Variants in GRM5 observed in about 807,000 individuals in gnomAD.
The protein encoded by GRM5 is glutamate metabotropic receptor 5, also known as metabotropic glutamate receptor 5.
A neutral mutation model predicts 83.1 loss-of-function variants in GRM5; 19 were observed. That is an observed-to-expected ratio of 0.23 (90% CI 0.16 to 0.34). The LOEUF (loss-of-function observed/expected upper bound fraction) is 0.34. GRM5 is among the 10% of genes least tolerant of loss of function. The probability of loss-of-function intolerance (pLI) is 1.00; values close to 1 mark genes in which losing one functional copy is unlikely to be tolerated. For synonymous variants in GRM5, 675 were observed against 633.6 expected (o/e 1.07, Z -0.98); for missense variants, 1,160 against 1,588.3 (o/e 0.73, Z 4.58).
chr11:88,809,087 T>G (rs1439108105), intron 3 of GRM5, among the ~76,000 whole-genome samples: 1 of 152,044 alleles, frequency 6.6e-6, no homozygotes, highest in Non-Finnish European at 1.5e-5. Flanking sequence ...TTTTATTTCT[T>G]TTTTAATTCA....
At chr11:88,652,464 T>C (rs1235214761) in intron 4 of GRM5, among the ~76,000 whole-genome samples, 5 of 152,028 alleles carry the variant, frequency 3.3e-5, no homozygotes, top group Admixed American at 3.3e-4. Context: ...AAACACTTAG[T>C]TATCATATCA....
At chr11:88,778,668 A>G (rs1351204601) in intron 3 of GRM5, among the ~76,000 whole-genome samples, 4 of 152,176 alleles carry the variant, frequency 2.6e-5, no homozygotes, top group Non-Finnish European at 5.9e-5. Flanking sequence ...CTCTCACACT[A>G]TAGTTTTATT....
chr11:88,532,113 C>A (rs543967584), intron 8 of GRM5, among the ~76,000 whole-genome samples: 1 of 152,100 alleles, frequency 6.6e-6, no homozygotes, highest in Admixed American at 6.5e-5. Context: ...GCATATTTCA[C>A]ATATGTCTTA....
intron 3 of GRM5, among the ~76,000 whole-genome samples, chr11:88,789,445 T>A (rs188975483): frequency 1.6e-4 from 24 of 152,296 alleles, no homozygotes; most frequent in Admixed American, 1.3e-4. Context: ...TATCTGTAAG[T>A]TAATGTACCT....
intron 3 of GRM5, among the ~76,000 whole-genome samples, chr11:88,734,601 T>G (rs1257806053): frequency 2.0e-5 from 3 of 152,206 alleles, no homozygotes; most frequent in African/African-American, 7.2e-5. Flanking sequence ...ATATCTTCTA[T>G]TTTAAATTTT....
At chr11:88,777,215 C>T (rs1347494855) in intron 3 of GRM5, among the ~76,000 whole-genome samples, 1 of 152,158 alleles carries the variant, frequency 6.6e-6, no homozygotes, top group Non-Finnish European at 1.5e-5. Flanking sequence ...CCGTTTCTTC[C>T]ACCTGATTGA....
At chr11:88,831,515 C>T (rs894575602) in intron 3 of GRM5, among the ~76,000 whole-genome samples, 2 of 152,210 alleles carry the variant, frequency 1.3e-5, no homozygotes, top group Admixed American at 6.5e-5. Context: ...CCACAGCCAG[C>T]ATCAGCATGT....
chr11:88,540,109 A>G (rs1292631685), intron 8 of GRM5, among the ~76,000 whole-genome samples: 2 of 152,150 alleles, frequency 1.3e-5, no homozygotes, highest in Admixed American at 6.5e-5. Flanking sequence ...ATCTAAATCT[A>G]ACTACATCAA....
At chr11:88,663,895 T>A (rs1939971184) in intron 3 of GRM5, among the ~76,000 whole-genome samples, 1 of 152,194 alleles carries the variant, frequency 6.6e-6, no homozygotes, top group Admixed American at 6.6e-5. Context: ...TTCAAGAGGA[T>A]ATCAATGAAT....
intron 3 of GRM5, among the ~76,000 whole-genome samples, chr11:88,835,665 G>T (rs939780015): frequency 3.9e-5 from 6 of 152,082 alleles, no homozygotes; most frequent in African/African-American, 1.4e-4. Context: ...ATGATGGGAT[G>T]AGGAAAAAAG....
chr11:88,912,009 T>C (rs1306399907), intron 2 of GRM5: 1 of 468,302 alleles, frequency 2.1e-6, no homozygotes, highest in Admixed American at 2.4e-5. Flanking sequence ...ATCTAACCAG[T>C]TGGGGTGTTG....
At chr11:88,556,324 C>CT (rs377331160) in intron 8 of GRM5, among the ~76,000 whole-genome samples, 8,701 of 129,702 alleles carry the variant, frequency 0.067, 953 homozygotes, top group African/African-American at 0.23. Flanking sequence ...CTTTTCTTTT[C>CT]TTTTTTTTTT....
intron 8 of GRM5, among the ~76,000 whole-genome samples, chr11:88,552,798 A>G (rs1466948317): frequency 6.6e-6 from 1 of 152,152 alleles, no homozygotes; most frequent in Admixed American, 6.6e-5. Flanking sequence ...CTCTCAGCCC[A>G]TAACTCGTAG....
At chr11:88,933,885 A>C (rs920453308) in intron 2 of GRM5, among the ~76,000 whole-genome samples, 2 of 151,872 alleles carry the variant, frequency 1.3e-5, no homozygotes, top group African/African-American at 4.8e-5. Flanking sequence ...CATCTCTTAC[A>C]TATGTTTGAC....
chr11:88,850,661 C>T (rs544265487), intron 2 of GRM5, among the ~76,000 whole-genome samples: 107 of 150,068 alleles, frequency 7.1e-4, no homozygotes, highest in Middle Eastern at 3.6e-3. Context: ...ATATTATATA[C>T]TTATAATCAT....
At chr11:88,610,365 C>T (rs1327039262) in intron 4 of GRM5, among the ~76,000 whole-genome samples, 1 of 152,100 alleles carries the variant, frequency 6.6e-6, no homozygotes, top group Non-Finnish European at 1.5e-5. Context: ...GAATGTTCTT[C>T]CAATTGTTTG....
At chr11:88,645,672 A>C (rs1939423682) in intron 4 of GRM5, among the ~76,000 whole-genome samples, 1 of 152,144 alleles carries the variant, frequency 6.6e-6, no homozygotes. Flanking sequence ...AGACCTTTGA[A>C]ACTAATTTTT....
chr11:88,778,386 A>C (rs1246003038), intron 3 of GRM5, among the ~76,000 whole-genome samples: 1 of 152,198 alleles, frequency 6.6e-6, no homozygotes, highest in African/African-American at 2.4e-5. Flanking sequence ...GGAAAGGGAA[A>C]TCCCCCAACC....
chr11:88,560,698 G>A (rs756627912), intron 8 of GRM5, among the ~76,000 whole-genome samples: 11 of 152,124 alleles, frequency 7.2e-5, no homozygotes, highest in Non-Finnish European at 1.2e-4. Flanking sequence ...CCTTCTGTGT[G>A]CTCTTTATTA....
Sources: gnomAD v4.1 joint callset for allele counts (sites outside exome capture counted in the v4.1 genomes callset) on GRCh38, gnomAD v4.1.1 for gene constraint, MANE v1.5 for transcripts, NCBI Gene and HGNC (gene_info 2026-07-23, HGNC 2026-07-21) for gene names.